Variants in KLHL3 observed in about 807,000 individuals in gnomAD.
KLHL3 encodes the protein kelch-like protein 3.
A neutral mutation model predicts 70.5 loss-of-function variants in KLHL3; 19 were observed. The observed-to-expected ratio is 0.27, with a 90% CI of 0.19 to 0.40. The LOEUF (loss-of-function observed/expected upper bound fraction) is 0.40, where lower values mean the gene tolerates loss of function less well. Among genes scored for constraint, KLHL3 ranks in the 10% least tolerant of loss-of-function variants. The pLI is 1.00. For synonymous variants in KLHL3, 258 were observed against 290.3 expected, an observed-to-expected ratio of 0.89 and a Z score of 1.13; for missense variants, 512 against 771.1, an observed-to-expected ratio of 0.66 and a Z score of 3.98.
Position 137,661,949 on chromosome 5 carries a change from C to T in KLHL3, c.719G>A (p.Arg240Gln). The T allele has an allele frequency of 3.7e-6, 6 of 1,611,282 alleles. No individual in the cohort carries two copies. Among genetic ancestry groups the T allele is most frequent in the Non-Finnish European group, 5.1e-6 (6 of 1,177,544 alleles). The change falls in exon 7 of 15, where the codon CGA (arginine) becomes CAA (glutamine). Residue 240 changes from arginine to glutamine, a missense_variant. By Grantham distance (43) the Arg-to-Gln change is conservative. Transcript: ENST00000309755. The part of the protein sequence containing the change: ...EHMAKLMEHV[R>Q]LPLLPRDYLV... ...GTAGTCCCTAGGTAAGAGAGGAAGT[C>T]GGACATGTTCCATCAGCTTTGCCAT...
At chr5:137,732,711 T>C (rs143392043) in intron 1 of KLHL3, among the ~76,000 whole-genome samples, 10 of 152,236 alleles carry the variant, frequency 6.6e-5, no homozygotes, top group African/African-American at 2.4e-4. Context: ...AACATAGCAA[T>C]AGGTGGATAC....
At position 137,620,361 on chromosome 5, in the gene KLHL3, A is replaced by G. The variant is rs978743562; in HGVS notation, c.*1737T>C. Reference sequence around the variant, plus strand: ...ATACAGTAAATACACAAAGTGGCTCACTGGCTGGGAAGACTTCGGGGTTTC... The same window carrying G: ...ATACAGTAAATACACAAAGTGGCTCGCTGGCTGGGAAGACTTCGGGGTTTC... On this transcript the variant is annotated 3_prime_UTR_variant, in exon 15 of 15. Coordinates refer to ENST00000309755, the MANE Select transcript of KLHL3 (RefSeq NM_017415.3). 5.9e-5 allele frequency: 9 copies of G among 152,216 alleles called. No individual in the cohort carries two copies. Among genetic ancestry groups the G allele is most frequent in the Admixed American group, 5.9e-4 (9 of 15,278 alleles). The allele number at this position is 152,216 out of a possible 1,614,324, so 9.4% of individuals were successfully genotyped here.
chr5:137,667,245 C>T (rs1478716530), intron 6 of KLHL3, among the ~76,000 whole-genome samples: 2 of 152,158 alleles, frequency 1.3e-5, no homozygotes, highest in Non-Finnish European at 2.9e-5. Flanking sequence ...CTGGCCCTTC[C>T]TAGAAAAAGT....
chr5:137,633,009 A>G lies in KLHL3; in HGVS notation c.1450+1028T>C, dbSNP rs556391555. On this transcript the variant is annotated intron_variant, in intron 12 of 14. Transcript: ENST00000309755. ...TAAAAAGTCAAAAAAGGCCGGGTGCAGTGGCTCATGCCTGCAATCCCAGCA... is the reference window on the plus strand; with the variant it reads ...TAAAAAGTCAAAAAAGGCCGGGTGCGGTGGCTCATGCCTGCAATCCCAGCA... 3.8e-4 allele frequency among the ~76,000 whole-genome samples: 58 copies of G among 152,332 alleles called. 1 individual carries two copies. Among genetic ancestry groups the G allele is most frequent in the Admixed American group, 9.1e-4 (14 of 15,308 alleles).
Position 137,639,780 on chromosome 5 carries a change from C to T in KLHL3, c.1021+80G>A. 4 of 991,008 alleles carry T rather than the reference C, an allele frequency of 4.0e-6. No individual in the cohort carries two copies. The highest frequency in any genetic ancestry group is 6.4e-6 in the Non-Finnish European group (4 of 625,324). The allele number at this position is 991,008 out of a possible 1,614,324, so 61.4% of individuals were successfully genotyped here. A position where few individuals can be genotyped will look rare whatever the true frequency, so the allele number is the denominator to read the frequency against. On this transcript the variant is annotated intron_variant, in intron 9 of 14. Transcript: ENST00000309755. This position sits in a 1 kb window ranked among gnomAD's most constrained non-coding sequence, Gnocchi z 5.0. Reference sequence around the variant, plus strand: ...TGAAATGCACAGATGCTTGAGGAAACAAGGAGTAGCTCACGACTTCTGGCA... The same window carrying T: ...TGAAATGCACAGATGCTTGAGGAAATAAGGAGTAGCTCACGACTTCTGGCA...
At position 137,712,156 on chromosome 5, in the gene KLHL3, CAAAAAAAAAAAA is replaced by C. The variant is rs201519598; in HGVS notation, c.135-2312_135-2301del. Among the ~76,000 whole-genome samples, 100 of 74,862 alleles carry C rather than the reference CAAAAAAAAAAAA, an allele frequency of 1.3e-3. 1 individual carries two copies. Among genetic ancestry groups the C allele is most frequent in the Non-Finnish European group, 1.5e-3 (54 of 36,050 alleles). The allele number at this position is 74,862 out of a possible 152,430, so 49.1% of individuals were successfully genotyped here. On this transcript the variant is annotated intron_variant, in intron 2 of 14. Transcript: ENST00000309755. Reference sequence around the variant, plus strand: ...CCTGGGTGACAGAGCAAGATTCTGTCAAAAAAAAAAAAAAAAAAAAAAAAAAGAGTAACCGGT... The same window carrying C: ...CCTGGGTGACAGAGCAAGATTCTGTCAAAAAAAAAAAAAAGAGTAACCGGT...
chr5:137,618,445 G>A lies in KLHL3; in HGVS notation c.*3653C>T, dbSNP rs1756285794. Reference sequence around the variant, plus strand: ...AAGAAGCAAGTTGTAAGTGTAGTGTGAGCACCTGCAAAGCATATGCTTAAC... The same window carrying A: ...AAGAAGCAAGTTGTAAGTGTAGTGTAAGCACCTGCAAAGCATATGCTTAAC... On this transcript the variant is annotated 3_prime_UTR_variant, in exon 15 of 15. Transcript: ENST00000309755. 1 of 152,200 alleles carries A rather than the reference G, an allele frequency of 6.6e-6. No homozygotes were observed. The highest frequency in any genetic ancestry group is 2.4e-5 in the African/African-American group (1 of 41,450). The allele number at this position is 152,200 out of a possible 1,614,324, so 9.4% of individuals were successfully genotyped here.
intron 11 of KLHL3, 100 bp downstream of exon 11, chr5:137,637,194 A>G (rs1750787372): frequency 3.2e-6 from 3 of 939,538 alleles, no homozygotes; most frequent in Admixed American, 3.8e-5. Flanking sequence ...TGATCTCAGG[A>G]AAAAAAACAC....
Position 137,621,824 on chromosome 5 carries a change from T to C in KLHL3, c.*274A>G, listed in dbSNP as rs1750312879. Reference sequence around the variant, plus strand: ...CACACTCCAGGGTCTGTATTGTCCCTGTAGAAACACCAAAACAAAGCCCAA... The same window carrying C: ...CACACTCCAGGGTCTGTATTGTCCCCGTAGAAACACCAAAACAAAGCCCAA... On this transcript the variant is annotated 3_prime_UTR_variant, in exon 15 of 15. Coordinates refer to ENST00000309755, the MANE Select transcript of KLHL3 (RefSeq NM_017415.3). The C allele has an allele frequency of 1.8e-6, 1 of 545,424 alleles. No homozygotes were observed. The highest frequency in any genetic ancestry group is 3.3e-6 in the Non-Finnish European group (1 of 303,324). The allele number at this position is 545,424 out of a possible 1,614,324, so 33.8% of individuals were successfully genotyped here. A position where few individuals can be genotyped will look rare whatever the true frequency, so the allele number is the denominator to read the frequency against.
intron 5 of KLHL3, among the ~76,000 whole-genome samples, chr5:137,681,515 T>C (rs965493733): frequency 6.6e-6 from 1 of 152,174 alleles, no homozygotes; most frequent in Non-Finnish European, 1.5e-5. Flanking sequence ...GGTGATGTCT[T>C]CATTCATCCA....
rs533949618 is a variant in KLHL3, at chr5:137,672,386, C to T, written c.636+5159G>A. ...GATCCTGGGAGACAAGGGCCCAGTC[C>T]CTCCCAAGAAATAAGATATCAAAAT... On this transcript the variant is annotated intron_variant, in intron 6 of 14. Coordinates refer to ENST00000309755, the MANE Select transcript of KLHL3 (RefSeq NM_017415.3). 2.0e-5 allele frequency among the ~76,000 whole-genome samples: 3 copies of T among 152,242 alleles called. No homozygotes were observed. The South Asian group carries it at 6.2e-4, about 32-fold the overall frequency.
rs1385930079 is a variant in KLHL3 at position 137,620,085 on chromosome 5, G to A, written c.*2013C>T. 6.6e-6 allele frequency: 1 copy of A among 152,182 alleles called. No homozygotes were observed. Among genetic ancestry groups the A allele is most frequent in the East Asian group, 1.9e-4 (1 of 5,200 alleles). 9.4% of individuals were successfully genotyped at this position (152,182 alleles called of 1,614,324 possible). ...CCATCAGCTTCCAACCCACAGCCAG[G>A]TAGAGTTATGAAGCCACAGTCATCC... On this transcript the variant is annotated 3_prime_UTR_variant, in exon 15 of 15. Coordinates refer to ENST00000309755, the MANE Select transcript of KLHL3 (RefSeq NM_017415.3).
intron 8 of KLHL3, among the ~76,000 whole-genome samples, chr5:137,649,184 T>C (rs1024395877): frequency 5.3e-5 from 8 of 152,258 alleles, no homozygotes; most frequent in African/African-American, 1.9e-4. Flanking sequence ...AATTCTGTGA[T>C]ACTACTACAC....
At chr5:137,662,553 C>G (rs1042497678) in intron 6 of KLHL3, among the ~76,000 whole-genome samples, 1 of 152,128 alleles carries the variant, frequency 6.6e-6, no homozygotes, top group Non-Finnish European at 1.5e-5. Context: ...CAATGTGACA[C>G]TGAATGACAA....
At chr5:137,716,307 G>A (rs972201126) in intron 2 of KLHL3, among the ~76,000 whole-genome samples, 29 of 151,958 alleles carry the variant, frequency 1.9e-4, no homozygotes, top group Admixed American at 6.6e-5. Context: ...GCAAAGCTGG[G>A]ATTACAGTCA....
At chr5:137,706,506 A>C in intron 3 of KLHL3, 1 of 332,210 alleles carries the variant, frequency 3.0e-6, no homozygotes, top group Middle Eastern at 1.5e-3. Flanking sequence ...CATGTCTCAA[A>C]AGTCTTCAAA....
intron 8 of KLHL3, among the ~76,000 whole-genome samples, chr5:137,642,593 T>C (rs1197636055): frequency 6.6e-6 from 1 of 152,328 alleles, no homozygotes; most frequent in Non-Finnish European, 1.5e-5. Flanking sequence ...AAGTGTTTAT[T>C]TGGAATAAAG....
chr5:137,673,517 A>C (rs1380513193), intron 6 of KLHL3, among the ~76,000 whole-genome samples: 1 of 152,130 alleles, frequency 6.6e-6, no homozygotes, highest in Admixed American at 6.5e-5. Context: ...AGAATTCTAA[A>C]ATAAAAACCA....
At chr5:137,634,288 C>G in intron 11 of KLHL3, 123 bp from the exon 12 acceptor site, 1 of 1,064,442 alleles carries the variant, frequency 9.4e-7, no homozygotes, top group Non-Finnish European at 1.3e-6. Context: ...CCCTCTTTCT[C>G]CAGGGGACCA....
Sources: allele counts gnomAD v4.1 joint callset (sites outside exome capture counted in the v4.1 genomes callset), GRCh38; gene constraint gnomAD v4.1.1; non-coding constraint Gnocchi (gnomAD v3.1); transcripts MANE v1.5; gene names NCBI Gene and HGNC (gene_info 2026-07-23, HGNC 2026-07-21).